Variants in DDX3X observed in about 807,000 individuals in gnomAD.
The protein encoded by DDX3X is ATP-dependent RNA helicase DDX3X.
A neutral mutation model predicts 52.7 loss-of-function variants in DDX3X; 4 were observed. The ratio of observed to expected loss-of-function variants is 0.08; its 90% CI spans 0.04 to 0.17. The LOEUF (loss-of-function observed/expected upper bound fraction) is 0.17. Ranked by LOEUF, DDX3X falls within the 10% of genes least tolerant of loss-of-function variation. The probability of loss-of-function intolerance (pLI) is 1.00; values close to 1 mark genes in which losing one functional copy is unlikely to be tolerated. For missense variants in DDX3X, 222 were observed against 548.6 expected, an observed-to-expected ratio of 0.40 and a Z score of 5.95; for synonymous variants, 192 against 178.1, an observed-to-expected ratio of 1.08 and a Z score of -0.62.
In DDX3X at chrX:41,347,312, TAGC is replaced by T; in HGVS notation, c.1773_1775del (p.Ser591del). On this transcript the variant is annotated inframe_deletion and splice_region_variant, in exon 16 of 17. Coordinates refer to ENST00000644876, the MANE Select transcript of DDX3X (RefSeq NM_001356.5). ...AACCAACATAATTTTTTTCTTATAGTAGCAGATTTAGTGGAGGGTTTGGTGCCA... is the reference window on the plus strand; with the variant it reads ...AACCAACATAATTTTTTTCTTATAGTAGATTTAGTGGAGGGTTTGGTGCCA... 5 of 1,203,590 alleles carry T rather than the reference TAGC, an allele frequency of 4.2e-6. No individual in the cohort carries two copies. The highest frequency in any genetic ancestry group is 5.6e-6 in the Non-Finnish European group (5 of 890,771).
At chrX:41,345,938 A>G (rs2147357658) in intron 12 of DDX3X, 1 of 307,094 alleles carries the variant, frequency 3.3e-6, no homozygotes, top group Non-Finnish European at 5.6e-6. Flanking sequence ...GCAGTGGTAC[A>G]GTGCATGTAG....
At chrX:41,337,688 C>A in intron 2 of DDX3X, 1 of 324,529 alleles carries the variant, frequency 3.1e-6, no homozygotes, top group Non-Finnish European at 5.3e-6. Flanking sequence ...TCTTGTTGCC[C>A]AGGTTGGAGT....
intron 5 of DDX3X, among the ~76,000 whole-genome samples, chrX:41,356,218 C>T (rs1348559995): frequency 2.9e-5 from 3 of 103,236 alleles, no homozygotes; most frequent in Non-Finnish European, 5.9e-5. Flanking sequence ...TGGCTCACTG[C>T]AACCTCCGCC....
At chrX:41,362,420 T>A (rs760160936) in intron 5 of DDX3X, among the ~76,000 whole-genome samples, 8 of 111,375 alleles carry the variant, frequency 7.2e-5, no homozygotes, top group African/African-American at 2.0e-4. Context: ...TCATCTGAAC[T>A]ACTGGAACAG....
At chrX:41,335,409 G>A (rs1318290481) in intron 1 of DDX3X, 2 of 107,859 alleles carry the variant, frequency 1.9e-5, no homozygotes, top group African/African-American at 6.7e-5. Flanking sequence ...AGGCCCCCGG[G>A]TTTTTTCTCT....
At chrX:41,335,735 C>T (rs1400973832) in intron 1 of DDX3X, 1 of 112,161 alleles carries the variant, frequency 8.9e-6, no homozygotes, top group African/African-American at 3.2e-5. Flanking sequence ...CCTTTGGAAG[C>T]ATTTTCTACC....
rs573700935 is a variant in DDX3X, at chrX:41,342,758, C to T, written c.465C>T (p.Asn155=). 3 of 1,209,515 alleles carry T rather than the reference C, an allele frequency of 2.5e-6. No homozygotes were observed. The highest frequency in any genetic ancestry group is 3.0e-5 in the East Asian group (1 of 33,809). Residue 155 remains asparagine, a synonymous_variant, in exon 6 of 17, where the codon AAC becomes AAT. Transcript: ENST00000644876. ...RLEQELFSGG[N]TGINFEKYDD... ...TGAGGGAACTCTTTTCTGGAGGCAA[C>T]ACTGGGATTAATTTTGAGAAATACG...
chrX:41,334,421 G>T, intron 1 of DDX3X, 124 bp downstream of exon 1: 1 of 1,130,132 alleles, frequency 8.8e-7, no homozygotes. Context: ...CGGGCTGGCG[G>T]GTGTGAGTGC....
rs778043547 is a variant in DDX3X, at chrX:41,334,316, A to G, written c.45+19A>G. On this transcript the variant is annotated intron_variant, in intron 1 of 16. Transcript: ENST00000644876. ...CCAGCAGGTGAGCCGCAAGAACCCC[A>G]CCGGGCTGGCTGCTGCGTGAATTCC... is the stretch of plus-strand genomic sequence containing the variant. The G allele has an allele frequency of 2.5e-5, 30 of 1,207,002 alleles. No homozygotes were observed. The highest frequency in any genetic ancestry group is 3.2e-5 in the Non-Finnish European group (29 of 893,190).
At chrX:41,353,929 A>C (rs1260272800), downstream of DDX3X, among the ~76,000 whole-genome samples, 2 of 111,663 alleles carry the variant, frequency 1.8e-5, no homozygotes, top group East Asian at 5.5e-4. Context: ...GAATGATCTT[A>C]AGTATTTTGA....
chrX:41,336,546 G>A (rs948220519), intron 1 of DDX3X: 1 of 111,674 alleles, frequency 9.0e-6, no homozygotes, highest in Non-Finnish European at 1.9e-5. Flanking sequence ...CAAGGCAGGT[G>A]GTTCACCTGA....
intron 5 of DDX3X, among the ~76,000 whole-genome samples, chrX:41,362,787 G>A (rs1179638057): frequency 9.0e-6 from 1 of 111,454 alleles, no homozygotes; most frequent in African/African-American, 3.3e-5. Flanking sequence ...ATTCTTCTTT[G>A]GCCACCTCAC....
chrX:41,347,030 T>C lies in DDX3X; in HGVS notation c.1769+18T>C. The C allele has an allele frequency of 8.4e-7, 1 of 1,185,080 alleles. No homozygotes were observed. The highest frequency in any genetic ancestry group is 1.1e-6 in the Non-Finnish European group (1 of 878,134). ...TCTAAGAGGTGAGGTATAAATAGTA[T>C]ATAATGAGGGGAATGGGTGTTCACT... On this transcript the variant is annotated intron_variant, in intron 15 of 16. Coordinates refer to ENST00000644876, the MANE Select transcript of DDX3X (RefSeq NM_001356.5).
At chrX:41,334,657 G>A (rs2063733501) in intron 1 of DDX3X, 4 of 1,050,423 alleles carry the variant, frequency 3.8e-6, no homozygotes, top group Non-Finnish European at 5.0e-6. Flanking sequence ...GCGGCGGGAC[G>A]CGACTGGAGG....
intron 5 of DDX3X, among the ~76,000 whole-genome samples, chrX:41,362,741 C>T (rs2064034324): frequency 1.8e-5 from 2 of 111,972 alleles, no homozygotes; most frequent in South Asian, 7.3e-4. Context: ...AGTCTCTTCC[C>T]TATGGGAGGT....
Position 41,344,310 on chromosome X carries a change from C to G in DDX3X, c.936C>G (p.Asp312Glu). ...CCGATATTGGTCAGCAGATTCGAGA[C>G]TTGGAACGTGGATGCCATTTGTTAG... ...GGADIGQQIR[D>E]LERGCHLLVA... The change falls in exon 10 of 17, where the codon GAC (aspartate) becomes GAG (glutamate). Residue 312 changes from aspartate (D) to glutamate (E), a missense_variant. Physicochemically the swap from Asp to Glu is conservative, Grantham distance 45 (BLOSUM62 2). Coordinates refer to ENST00000644876, the MANE Select transcript of DDX3X (RefSeq NM_001356.5). 2 of 1,211,643 alleles carry G rather than the reference C, an allele frequency of 1.7e-6. No homozygotes were observed. Among genetic ancestry groups the G allele is most frequent in the Non-Finnish European group, 2.2e-6 (2 of 895,261 alleles).
chrX:41,352,492 T>C (rs769984738), downstream of DDX3X, among the ~76,000 whole-genome samples: 18 of 111,622 alleles, frequency 1.6e-4, no homozygotes, highest in African/African-American at 4.9e-4. Flanking sequence ...CCTGAACCTC[T>C]TCTCCAGACC....
chrX:41,350,869 A>G (rs1380947434), downstream of DDX3X: 3 of 111,786 alleles, frequency 2.7e-5, no homozygotes, highest in Non-Finnish European at 3.8e-5. Context: ...TAGCGGTTTG[A>G]TACGTTTCAA....
chrX:41,361,370 G>A (rs1444381497), intron 5 of DDX3X, among the ~76,000 whole-genome samples: 1 of 109,430 alleles, frequency 9.1e-6, no homozygotes, highest in Non-Finnish European at 1.9e-5. Context: ...AAATTAGCCG[G>A]GTGTGGTGGC....
Sources: gnomAD v4.1 joint callset for allele counts (sites outside exome capture counted in the v4.1 genomes callset) on GRCh38, gnomAD v4.1.1 for gene constraint, MANE v1.5 for transcripts, NCBI Gene and HGNC (gene_info 2026-07-23, HGNC 2026-07-21) for gene names.